Variants in DPP6 observed in about 807,000 individuals in gnomAD.
The protein encoded by DPP6 is A-type potassium channel modulatory protein DPP6.
Under a neutral mutation model 122.6 loss-of-function variants are expected in DPP6, and 69 were observed. That is an observed-to-expected ratio of 0.56 (90% CI 0.46 to 0.69). DPP6 has a LOEUF of 0.69. DPP6 is among the 30% of genes least tolerant of loss of function. DPP6 has a pLI of 0.00. For synonymous variants in DPP6, 418 were observed against 433.1 expected (o/e 0.97, Z 0.43); for missense variants, 928 against 1,116.9 (o/e 0.83, Z 2.41).
intron 5 of DPP6, among the ~76,000 whole-genome samples, chr7:154,590,104 G>GA (rs767841462): frequency 6.6e-6 from 1 of 152,082 alleles, no homozygotes; most frequent in Non-Finnish European, 1.5e-5. Context: ...TCCCAGTTGG[G>GA]AAAAACACAA....
At chr7:154,496,504 A>G (rs1001297363) in intron 3 of DPP6, among the ~76,000 whole-genome samples, 3 of 152,232 alleles carry the variant, frequency 2.0e-5, no homozygotes, top group Non-Finnish European at 4.4e-5. Flanking sequence ...GTTACTCCTC[A>G]ATGGCAAATG....
chr7:154,730,300 G>A (rs2131373953), intron 8 of DPP6, among the ~76,000 whole-genome samples: 1 of 152,256 alleles, frequency 6.6e-6, no homozygotes, highest in South Asian at 2.1e-4. Flanking sequence ...AAGTAAGGCT[G>A]TGGAGCTGCA....
intron 1 of DPP6, among the ~76,000 whole-genome samples, chr7:154,209,550 AAAAAAC>A (rs1799626871): frequency 1.0e-5 from 1 of 97,624 alleles, no homozygotes; most frequent in Non-Finnish European, 2.8e-5. Context: ...AGTTAAAAAA[AAAAAAC>A]AAAAAACCTT....
intron 6 of DPP6, among the ~76,000 whole-genome samples, chr7:154,659,222 C>G (rs1035091781): frequency 6.6e-6 from 1 of 152,222 alleles, no homozygotes; most frequent in African/African-American, 2.4e-5. Context: ...TCCCACCTGA[C>G]ACAGGGATTG....
intron 1 of DPP6, among the ~76,000 whole-genome samples, chr7:153,900,920 C>T (rs1183017021): frequency 6.6e-6 from 1 of 152,112 alleles, no homozygotes; most frequent in African/African-American, 2.4e-5. Context: ...TAGAGCATTT[C>T]CATGGGTAGA....
the DPP6 span, among the ~76,000 whole-genome samples, chr7:153,789,504 G>A: frequency 6.6e-6 from 1 of 152,102 alleles, no homozygotes; most frequent in Admixed American, 6.5e-5. Flanking sequence ...AATAACACTG[G>A]ATTTATGAGA....
chr7:154,582,801 C>G (rs1477451727), intron 5 of DPP6, among the ~76,000 whole-genome samples: 2 of 152,226 alleles, frequency 1.3e-5, no homozygotes, highest in African/African-American at 2.4e-5. Flanking sequence ...GTCCCCTCCC[C>G]ACTCACTCTT....
intron 1 of DPP6, among the ~76,000 whole-genome samples, chr7:154,351,559 G>A (rs1810859677): frequency 6.6e-6 from 1 of 152,286 alleles, no homozygotes; most frequent in East Asian, 1.9e-4. Context: ...GAGGGACCCT[G>A]CCTGCCCACA....
At chr7:154,591,044 C>A (rs532183796) in intron 5 of DPP6, among the ~76,000 whole-genome samples, 65 of 152,236 alleles carry the variant, frequency 4.3e-4, no homozygotes, top group African/African-American at 1.5e-3. Flanking sequence ...GACTAGGGAG[C>A]AAAATCAACC....
At chr7:154,478,353 C>T (rs57698650) in intron 3 of DPP6, among the ~76,000 whole-genome samples, 57,691 of 151,596 alleles carry the variant, frequency 0.38, 11,742 homozygotes, top group African/African-American at 0.51. Flanking sequence ...GTTCATGGAA[C>T]TGTTTCTTAG....
Position 154,848,731 on chromosome 7 carries a change from T to C in DPP6, c.1667-5049T>C, listed in dbSNP as rs138615031. 2.5e-3 allele frequency among the ~76,000 whole-genome samples: 375 copies of C among 152,382 alleles called. 2 individuals are homozygous for C. The highest frequency in any genetic ancestry group is 8.7e-3 in the African/African-American group (363 of 41,596). ...CTTTGGGGTCCAAGCCAAGAATCAT[T>C]GCCCAGACCAATGTCATGGAGCTTT... is the stretch of plus-strand genomic sequence containing the variant. On this transcript the variant is annotated intron_variant, in intron 16 of 25. Transcript: ENST00000377770.
intron 1 of DPP6, among the ~76,000 whole-genome samples, chr7:154,354,361 C>A (rs1189533720): frequency 6.6e-6 from 1 of 152,108 alleles, no homozygotes; most frequent in Non-Finnish European, 1.5e-5. Flanking sequence ...ATACAATGGC[C>A]GTATAGGAGG....
intron 16 of DPP6, among the ~76,000 whole-genome samples, chr7:154,831,929 A>G (rs1800661412): frequency 6.6e-6 from 1 of 152,240 alleles, no homozygotes; most frequent in Non-Finnish European, 1.5e-5. Flanking sequence ...ACAAAAATAC[A>G]TAGGCTTCTA....
chr7:154,588,551 A>T (rs1832618041), intron 5 of DPP6: 1 of 155,666 alleles, frequency 6.4e-6, no homozygotes, highest in African/African-American at 2.4e-5. Context: ...AACAGGTTAT[A>T]CTTAACTGTC....
At chr7:154,265,489 G>A (rs10952469) in intron 1 of DPP6, among the ~76,000 whole-genome samples, 98,391 of 152,088 alleles carry the variant, frequency 0.65, 32,520 homozygotes, top group African/African-American at 0.78. Flanking sequence ...GAAATGCACC[G>A]TTTAATACTC....
intron 17 of DPP6, among the ~76,000 whole-genome samples, chr7:154,854,557 A>G (rs1802665432): frequency 6.6e-6 from 1 of 152,150 alleles, no homozygotes; most frequent in Admixed American, 6.5e-5. Flanking sequence ...ATCAGATATC[A>G]GGGGTGGAGA....
At chr7:154,254,649 C>T (rs144338046) in intron 1 of DPP6, among the ~76,000 whole-genome samples, 86 of 152,136 alleles carry the variant, frequency 5.7e-4, no homozygotes, top group African/African-American at 2.1e-3. Flanking sequence ...AGGAGGGAGA[C>T]AGGGCTTGAC....
At chr7:153,756,984 C>G in the DPP6 span, among the ~76,000 whole-genome samples, 1 of 151,948 alleles carries the variant, frequency 6.6e-6, no homozygotes, top group Non-Finnish European at 1.5e-5. Flanking sequence ...TTTTTTAAGT[C>G]AAAAGTTATA....
chr7:154,575,550 T>C (rs1831587418), intron 5 of DPP6, among the ~76,000 whole-genome samples: 1 of 129,804 alleles, frequency 7.7e-6, no homozygotes, highest in Non-Finnish European at 1.6e-5. Flanking sequence ...GTGTGTGTGG[T>C]GTGTTTATTT....
Sources: allele counts gnomAD v4.1 joint callset (sites outside exome capture counted in the v4.1 genomes callset), GRCh38; gene constraint gnomAD v4.1.1; transcripts MANE v1.5; gene names NCBI Gene and HGNC (gene_info 2026-07-23, HGNC 2026-07-21).